Variants in ARL6IP6 observed in about 807,000 individuals in gnomAD.
The protein encoded by ARL6IP6 is ADP-ribosylation factor-like protein 6-interacting protein 6.
ARL6IP6 carries 22 observed loss-of-function variants against 21.5 expected under a neutral mutation model. The ratio of observed to expected loss-of-function variants is 1.02; its 90% CI spans 0.73 to 1.46. ARL6IP6 has a LOEUF of 1.46. Ranked by LOEUF, ARL6IP6 falls within the 40% of genes most tolerant of loss-of-function variation. The pLI is 0.00. For missense variants in ARL6IP6, 388 were observed against 299.8 expected (o/e 1.29, Z -2.17); for synonymous variants, 164 against 125.3 (o/e 1.31, Z -2.06).
At chr2:152,726,430 C>G (rs1266889946) in intron 2 of ARL6IP6, among the ~76,000 whole-genome samples, 1 of 152,108 alleles carries the variant, frequency 6.6e-6, no homozygotes, top group African/African-American at 2.4e-5. Flanking sequence ...TGCTCCTGCA[C>G]TTGGCTTTGA....
chr2:152,756,132 A>C (rs1701582577), intron 3 of ARL6IP6, among the ~76,000 whole-genome samples: 1 of 152,074 alleles, frequency 6.6e-6, no homozygotes, highest in Non-Finnish European at 1.5e-5. Context: ...TTTTGTTGTC[A>C]TATCTAAGAA....
At chr2:152,754,280 A>G (rs1050893792) in intron 3 of ARL6IP6, among the ~76,000 whole-genome samples, 1 of 151,948 alleles carries the variant, frequency 6.6e-6, no homozygotes, top group South Asian at 2.1e-4. Context: ...GGATTTGCCT[A>G]TTCTGGACAT....
Position 152,718,964 on chromosome 2 carries a change from TCG to T in ARL6IP6, c.342_343del (p.Leu115AlafsTer18). 6.3e-7 allele frequency: 1 copy of T among 1,599,602 alleles called. No individual in the cohort carries two copies. The highest frequency in any genetic ancestry group is 8.5e-7 in the Non-Finnish European group (1 of 1,171,872). On this transcript the variant is annotated frameshift_variant, in exon 1 of 4. Transcript: ENST00000326446. LOFTEE classifies it high-confidence loss of function. ...WPVQVLSILC[S>X]LLFAILLAFL... is the part of the protein sequence containing the mutation. ...GGTCCAGGTCCTCTCTATTCTCTGC[TCG>T]CTGCTCTTCGCCATTCTTCTCGCCT...
intron 2 of ARL6IP6, among the ~76,000 whole-genome samples, chr2:152,729,580 C>A (rs1309280602): frequency 2.6e-5 from 4 of 151,738 alleles, no homozygotes; most frequent in South Asian, 2.1e-4. Flanking sequence ...TAAAAAAAAA[C>A]ACACACACAA....
chr2:152,749,609 A>G (rs557836911), intron 3 of ARL6IP6, among the ~76,000 whole-genome samples: 85 of 152,304 alleles, frequency 5.6e-4, no homozygotes, highest in African/African-American at 2.0e-3. Flanking sequence ...TTGTAAGGGT[A>G]GATTCTATTT....
rs776457567 is a variant in ARL6IP6 at position 152,718,833 on chromosome 2, G to C, written c.209G>C (p.Arg70Pro). 6.2e-7 allele frequency: 1 copy of C among 1,610,954 alleles called. No individual in the cohort carries two copies. The highest frequency in any genetic ancestry group is 8.5e-7 in the Non-Finnish European group (1 of 1,178,336). ...SAGAWSEPRK[R>P]SVLPPDGNGS... Reference sequence around the variant, plus strand: ...GGGGCGTGGTCAGAGCCCAGAAAGCGCTCGGTGCTCCCGCCGGACGGGAAC... The same window carrying C: ...GGGGCGTGGTCAGAGCCCAGAAAGCCCTCGGTGCTCCCGCCGGACGGGAAC... The change falls in exon 1 of 4, where the codon CGC becomes CCC. Residue 70 changes from arginine (R) to proline (P), a missense_variant. Coordinates refer to ENST00000326446, the MANE Select transcript of ARL6IP6 (RefSeq NM_152522.7).
chr2:152,721,121 C>T (rs1429490844), intron 2 of ARL6IP6, among the ~76,000 whole-genome samples: 2 of 152,102 alleles, frequency 1.3e-5, no homozygotes, highest in African/African-American at 4.8e-5. Flanking sequence ...TTAATGGGTA[C>T]TGGTATGTGT....
intron 1 of ARL6IP6, 41 bp downstream of exon 1, chr2:152,719,065 T>C (rs1341017774): frequency 5.4e-6 from 8 of 1,475,882 alleles, no homozygotes; most frequent in African/African-American, 2.8e-5. Flanking sequence ...CAGAGTAAAG[T>C]TGAGCCAGGG....
intron 3 of ARL6IP6, among the ~76,000 whole-genome samples, chr2:152,752,484 T>G (rs992347467): frequency 1.3e-5 from 2 of 152,144 alleles, no homozygotes; most frequent in Non-Finnish European, 2.9e-5. Flanking sequence ...AACAAAACCC[T>G]CAAAGTAACA....
intron 2 of ARL6IP6, among the ~76,000 whole-genome samples, chr2:152,731,731 C>G (rs1458823545): frequency 6.6e-6 from 1 of 152,080 alleles, no homozygotes; most frequent in Non-Finnish European, 1.5e-5. Flanking sequence ...TTCTCCCAAC[C>G]ACTCTTTCCT....
At chr2:152,724,189 A>AT (rs1234002224) in intron 2 of ARL6IP6, among the ~76,000 whole-genome samples, 4 of 151,600 alleles carry the variant, frequency 2.6e-5, no homozygotes, top group Non-Finnish European at 5.9e-5. Context: ...TGGGTTTCCG[A>AT]ATTGATTGGT....
intron 2 of ARL6IP6, among the ~76,000 whole-genome samples, chr2:152,729,423 C>T (rs376063967): frequency 6.6e-6 from 1 of 151,980 alleles, no homozygotes; most frequent in Non-Finnish European, 1.5e-5. Context: ...TAGAGAAGAA[C>T]GAAGGATGTG....
chr2:152,758,340 G>A (rs768661289), intron 3 of ARL6IP6, among the ~76,000 whole-genome samples: 4 of 151,440 alleles, frequency 2.6e-5, no homozygotes, highest in Non-Finnish European at 5.9e-5. Context: ...GGTTCATTTC[G>A]CAGATGTGGA....
At chr2:152,718,597 C>T (rs1334851400), upstream of ARL6IP6, 9 of 1,501,312 alleles carry the variant, frequency 6.0e-6, no homozygotes, top group African/African-American at 2.8e-5. Flanking sequence ...GAGGCTCGTT[C>T]TCCGCGGGTT....
intron 2 of ARL6IP6, among the ~76,000 whole-genome samples, chr2:152,721,042 C>T (rs1699765740): frequency 6.6e-6 from 1 of 152,020 alleles, no homozygotes; most frequent in African/African-American, 2.4e-5. Context: ...TGCAGTGAAC[C>T]GTGATAGTTA....
chr2:152,730,163 G>A (rs944163405), intron 2 of ARL6IP6, among the ~76,000 whole-genome samples: 3 of 152,138 alleles, frequency 2.0e-5, no homozygotes, highest in African/African-American at 4.8e-5. Flanking sequence ...TGCTCAATGC[G>A]AAGTAAGTAC....
intron 2 of ARL6IP6, among the ~76,000 whole-genome samples, chr2:152,725,975 T>G (rs1700028641): frequency 6.6e-6 from 1 of 150,914 alleles, no homozygotes; most frequent in Non-Finnish European, 1.5e-5. Context: ...ATAAAAATAT[T>G]GATGACTGTT....
chr2:152,733,514 C>T (rs1451758361), intron 2 of ARL6IP6, among the ~76,000 whole-genome samples: 2 of 152,194 alleles, frequency 1.3e-5, no homozygotes, highest in African/African-American at 4.8e-5. Flanking sequence ...CCTCTTGCTT[C>T]AGCCTCCCAA....
chr2:152,733,652 G>A lies in ARL6IP6; in HGVS notation c.455-1342G>A, dbSNP rs541391780. On this transcript the variant is annotated intron_variant, in intron 2 of 3. Transcript: ENST00000326446. ...TTTGGTTGGACTAGTCTCTATTTTT[G>A]CTTATTATTTCATGTCAATTTTAGA... 2.0e-4 allele frequency among the ~76,000 whole-genome samples: 30 copies of A among 152,052 alleles called. No homozygotes were observed. In the South Asian group the frequency reaches 6.0e-3, roughly 30 times the overall value.
Sources: allele counts gnomAD v4.1 joint callset (sites outside exome capture counted in the v4.1 genomes callset), GRCh38; gene constraint gnomAD v4.1.1; transcripts MANE v1.5; gene names NCBI Gene and HGNC (gene_info 2026-07-23, HGNC 2026-07-21).